Variants in ITPR3 observed in about 807,000 individuals in gnomAD.
ITPR3 encodes the protein inositol 1,4,5-trisphosphate-gated calcium channel ITPR3.
Under a neutral mutation model 293.2 loss-of-function variants are expected in ITPR3, and 173 were observed. The ratio of observed to expected loss-of-function variants is 0.59; its 90% CI spans 0.52 to 0.67. The LOEUF (loss-of-function observed/expected upper bound fraction) is 0.67. ITPR3 is among the 30% of genes least tolerant of loss of function. The pLI is 0.00. For missense variants in ITPR3, 2,796 were observed against 3,592.1 expected (o/e 0.78, Z 5.66); for synonymous variants, 1,295 against 1,444.4 (o/e 0.90, Z 2.35).
rs373737531 is a variant in ITPR3 at position 33,686,055 on chromosome 6, C to G, written c.5670C>G (p.Asn1890Lys). Reference protein sequence around the residue: ...LCENHNRDLQNFLRCQNNKTN... With the variant: ...LCENHNRDLQKFLRCQNNKTN... The stretch of plus-strand genomic sequence containing the variant: ...CCCAACCCTTCTGTGCCCCGCAGAA[C>G]TTCCTGCGCTGTCAGAACAACAAAA... Residue 1890 changes from asparagine (N) to lysine (K), a missense_variant and splice_region_variant, in exon 42 of 58, where the codon AAC (asparagine) becomes AAG (lysine). Asn to Lys is a moderately conservative substitution (Grantham distance 94). Around this residue, in one of 8 missense-constraint regions of ITPR3, gnomAD observed 704 missense variants for 797.5 expected, o/e 0.88. Transcript: ENST00000605930. 7 of 1,613,940 alleles carry G rather than the reference C, an allele frequency of 4.3e-6. No individual in the cohort carries two copies. The highest frequency in any genetic ancestry group is 5.9e-6 in the Non-Finnish European group (7 of 1,180,038).
intron 33 of ITPR3, among the ~76,000 whole-genome samples, chr6:33,680,927 T>C (rs566317870): frequency 6.6e-6 from 1 of 151,506 alleles, no homozygotes; most frequent in African/African-American, 2.4e-5. Context: ...TTCACGCCAT[T>C]CTCCTGCCTC....
At position 33,667,815 on chromosome 6, in the gene ITPR3, G is replaced by C; in HGVS notation, c.1737G>C (p.Gly579=). The C allele has an allele frequency of 6.2e-7, 1 of 1,614,066 alleles. No homozygotes were observed. The highest frequency in any genetic ancestry group is 8.5e-7 in the Non-Finnish European group (1 of 1,179,988). Reference sequence around the variant, plus strand: ...AGGAGCACATTGCCAAGCAGTTTGGGATGATGCAGTCCCAGATTGGCTACG... The same window carrying C: ...AGGAGCACATTGCCAAGCAGTTTGGCATGATGCAGTCCCAGATTGGCTACG... ...KNQEHIAKQF[G]MMQSQIGYDI... Residue 579 remains glycine (G), a synonymous_variant, in exon 16 of 58, where the codon GGG becomes GGC. Transcript: ENST00000605930. This position sits in a 1 kb window ranked among gnomAD's most constrained non-coding sequence, Gnocchi z 4.4.
chr6:33,629,688 C>T (rs1170863146), intron 1 of ITPR3, among the ~76,000 whole-genome samples: 1 of 151,740 alleles, frequency 6.6e-6, no homozygotes, highest in African/African-American at 2.4e-5. Flanking sequence ...CCATGTTGGG[C>T]AGGCTGGTCT....
chr6:33,621,413 C>T lies in ITPR3; in HGVS notation c.-190C>T, dbSNP rs1454709191. On this transcript the variant is annotated 5_prime_UTR_variant, in exon 1 of 58. Coordinates refer to ENST00000605930, the MANE Select transcript of ITPR3 (RefSeq NM_002224.4). The surrounding 1 kb of genome is among the most constrained non-coding windows in gnomAD (Gnocchi z 7.7). ...GCCAAGACGTGGGCACCTCCTCACC[C>T]GGACCCCGGGCCCCGCCGAGCCGCC... The T allele has an allele frequency of 3.1e-5, 13 of 414,886 alleles. No individual in the cohort carries two copies. The highest frequency in any genetic ancestry group is 1.4e-4 in the Admixed American group (3 of 20,954). 25.7% of individuals were successfully genotyped at this position (414,886 alleles called of 1,614,324 possible).
Position 33,679,937 on chromosome 6 carries a change from C to G in ITPR3, c.4028C>G (p.Ala1343Gly). The G allele has an allele frequency of 6.2e-7, 1 of 1,613,838 alleles. No individual in the cohort carries two copies. The highest frequency in any genetic ancestry group is 8.5e-7 in the Non-Finnish European group (1 of 1,180,004). ...TTCTACAATGATAAGGCATCGCTGG[C>G]CCACCTGCTGGACATGATGAAGGCC... ...VVFYNDKASL[A>G]HLLDMMKAAR... The change falls in exon 31 of 58, where the codon GCC (alanine) becomes GGC (glycine). Residue 1343 changes from alanine (A) to glycine (G), a missense_variant. Transcript: ENST00000605930. This position sits in a 1 kb window ranked among gnomAD's most constrained non-coding sequence, Gnocchi z 4.2.
At position 33,685,661 on chromosome 6, in the gene ITPR3, C is replaced by T. The variant is rs752518693; in HGVS notation, c.5501C>T (p.Ser1834Leu). ...CCCACAGGCCGCGTGGCCTCCTTCT[C>T]GATACCTGGCTCCTCATCCCGCTAC... is the stretch of plus-strand genomic sequence containing the variant. ...PTTKGRVASF[S>L]IPGSSSRYSL... The change falls in exon 41 of 58, where the codon TCG becomes TTG. Residue 1834 changes from serine to leucine, a missense_variant. By Grantham distance (145) the Ser-to-Leu change is moderately radical (BLOSUM62 -2). This residue lies in a region of ITPR3 where 704 missense variants were observed against 797.5 expected (regional missense o/e 0.88). Coordinates refer to ENST00000605930, the MANE Select transcript of ITPR3 (RefSeq NM_002224.4). The T allele has an allele frequency of 9.4e-6, 15 of 1,588,316 alleles. No individual in the cohort carries two copies. The highest frequency in any genetic ancestry group is 2.2e-5 in the East Asian group (1 of 44,534).
chr6:33,625,478 C>T (rs975600950), intron 1 of ITPR3, among the ~76,000 whole-genome samples: 1 of 152,164 alleles, frequency 6.6e-6, no homozygotes, highest in East Asian at 1.9e-4. Flanking sequence ...ATCCGCCTGC[C>T]TCGGCCTCCC....
In ITPR3 at chr6:33,662,592, G is replaced by A; in HGVS notation, c.776G>A (p.Gly259Asp). The A allele has an allele frequency of 6.2e-7, 1 of 1,612,176 alleles. No homozygotes were observed. Among genetic ancestry groups the A allele is most frequent in the South Asian group, 1.1e-5 (1 of 90,970 alleles). Reference sequence around the variant, plus strand: ...TTCCTGACGTGTGACGAGTACAAGGGCAAGCTGCAGGTGTTCCTGCGAACT... The same window carrying A: ...TTCCTGACGTGTGACGAGTACAAGGACAAGCTGCAGGTGTTCCTGCGAACT... ...EKFLTCDEYKGKLQVFLRTTL... is the reference protein window; with the variant it reads ...EKFLTCDEYKDKLQVFLRTTL... The change falls in exon 8 of 58, where the codon GGC (glycine) becomes GAC (aspartate). Residue 259 changes from glycine (G) to aspartate (D), a missense_variant. By Grantham distance (94) the Gly-to-Asp change is moderately conservative. This residue lies in a region of ITPR3 where 955 missense variants were observed against 1,180.8 expected (regional missense o/e 0.81). Coordinates refer to ENST00000605930, the MANE Select transcript of ITPR3 (RefSeq NM_002224.4).
Position 33,655,807 on chromosome 6 carries a change from C to A in ITPR3, c.202C>A (p.Gln68Lys), listed in dbSNP as rs746247025. The part of the protein sequence containing the change: ...KVCPMNRYSA[Q>K]KQYWKAKQTK... Reference sequence around the variant, plus strand: ...GTGCCCCATGAACCGCTACTCGGCCCAGAAGCAGTACTGGAAGGCCAAGCA... The same window carrying A: ...GTGCCCCATGAACCGCTACTCGGCCAAGAAGCAGTACTGGAAGGCCAAGCA... The change falls in exon 3 of 58, where the codon CAG becomes AAG. Residue 68 changes from glutamine to lysine, a missense_variant. Transcript: ENST00000605930. The surrounding 1 kb of genome is among the most constrained non-coding windows in gnomAD (Gnocchi z 4.9). 1.2e-6 allele frequency: 2 copies of A among 1,614,136 alleles called. No individual in the cohort carries two copies. The highest frequency in any genetic ancestry group is 1.3e-5 in the African/African-American group (1 of 75,038).
rs778621027 is a variant in ITPR3 at position 33,677,056 on chromosome 6, G to A, written c.3489G>A (p.Glu1163=). The change falls in exon 27 of 58, where the codon GAG becomes GAA. Residue 1163 remains glutamate (E), a synonymous_variant. Coordinates refer to ENST00000605930, the MANE Select transcript of ITPR3 (RefSeq NM_002224.4). ...AGGGCTTTCTGCACCCACCAGGGGA[G>A]AAAAGCAGTGAGAACTACCAGATCG... ...DEEGFLHPPG[E]KSSENYQIVK... The A allele has an allele frequency of 6.2e-7, 1 of 1,614,196 alleles. No homozygotes were observed. Among genetic ancestry groups the A allele is most frequent in the Non-Finnish European group, 8.5e-7 (1 of 1,180,040 alleles).
intron 1 of ITPR3, among the ~76,000 whole-genome samples, chr6:33,634,993 C>G (rs1561850829): frequency 6.6e-6 from 1 of 152,204 alleles, no homozygotes; most frequent in African/African-American, 2.4e-5. Context: ...CCGCCAGCCT[C>G]TCTTCAGCTG....
chr6:33,695,773 G>A lies in ITPR3; in HGVS notation c.8009G>A (p.Ser2670Asn). 6.2e-7 allele frequency: 1 copy of A among 1,614,132 alleles called. No homozygotes were observed. The highest frequency in any genetic ancestry group is 8.5e-7 in the Non-Finnish European group (1 of 1,180,012). The change falls in exon 58 of 58, where the codon AGC becomes AAC. Residue 2670 changes from serine (S) to asparagine (N), a missense_variant. By Grantham distance (46) the Ser-to-Asn change is conservative. Coordinates refer to ENST00000605930, the MANE Select transcript of ITPR3 (RefSeq NM_002224.4). The stretch of plus-strand genomic sequence containing the variant: ...TTTGTGGATGTCCAGAACTGCATTA[G>A]CCGCTGAGGAGAGCCACCGAAGGCC... ...LGFVDVQNCI[S>N]R
rs2296331 is a variant in ITPR3, at chr6:33,682,653, G to C, written c.4597+9G>C. On this transcript the variant is annotated intron_variant, in intron 34 of 57. Transcript: ENST00000605930. The surrounding 1 kb of genome is among the most constrained non-coding windows in gnomAD (Gnocchi z 5.4). ...GACCCTCGCCATGGTGGGTGAGTGT[G>C]CCGGGGCACTGGCCAGCCCCAAACC... The C allele has an allele frequency of 0.22, 344,129 of 1,589,652 alleles. 38,891 individuals are homozygous for C. Among genetic ancestry groups the C allele is most frequent in the African/African-American group, 0.28 (20,712 of 72,996 alleles).
chr6:33,661,172 A>G (rs1242073996), intron 7 of ITPR3, among the ~76,000 whole-genome samples: 1 of 152,218 alleles, frequency 6.6e-6, no homozygotes, highest in Admixed American at 6.5e-5. Context: ...TTATATCGTC[A>G]TTCATTCATG....
intron 1 of ITPR3, among the ~76,000 whole-genome samples, chr6:33,623,824 C>T (rs1361732690): frequency 1.3e-5 from 2 of 152,142 alleles, no homozygotes; most frequent in African/African-American, 2.4e-5. Context: ...CCTTCTACGC[C>T]GGGGTACCCC....
Position 33,621,914 on chromosome 6 carries a change from C to T in ITPR3, c.89+223C>T, listed in dbSNP as rs928072823. ...TGGAGTTGGCAGGAGGAGCCTCCCT[C>T]GGCGGCGCAGCCTCTACCCTCCCGC... On this transcript the variant is annotated intron_variant, in intron 1 of 57. Coordinates refer to ENST00000605930, the MANE Select transcript of ITPR3 (RefSeq NM_002224.4). This position sits in a 1 kb window ranked among gnomAD's most constrained non-coding sequence, Gnocchi z 7.7. 3.3e-5 allele frequency among the ~76,000 whole-genome samples: 5 copies of T among 152,182 alleles called. No individual in the cohort carries two copies. Among genetic ancestry groups the T allele is most frequent in the African/African-American group, 7.2e-5 (3 of 41,448 alleles).
chr6:33,656,994 G>A (rs1171553850), intron 3 of ITPR3, among the ~76,000 whole-genome samples: 1 of 152,228 alleles, frequency 6.6e-6, no homozygotes, highest in Non-Finnish European at 1.5e-5. Flanking sequence ...GCTGCCAGCA[G>A]GTAGAGGCTG....
rs755104731 is a variant in ITPR3, at chr6:33,687,371, C to T, written c.6177+44C>T. 1.5e-5 allele frequency: 22 copies of T among 1,505,534 alleles called. No individual in the cohort carries two copies. The highest frequency in any genetic ancestry group is 3.6e-5 in the Admixed American group (2 of 55,100). The allele number at this position is 1,505,534 out of a possible 1,614,324, so 93.3% of individuals were successfully genotyped here. A position where few individuals can be genotyped will look rare whatever the true frequency, so the allele number is the denominator to read the frequency against. On this transcript the variant is annotated intron_variant, in intron 45 of 57. Transcript: ENST00000605930. The surrounding 1 kb of genome is among the most constrained non-coding windows in gnomAD (Gnocchi z 5.3). ...GCAACGGCCATCACCCCCCTGGCCACCATACCCCGCCCCAGCTGCCATCAT... is the reference window on the plus strand; with the variant it reads ...GCAACGGCCATCACCCCCCTGGCCATCATACCCCGCCCCAGCTGCCATCAT...
At position 33,695,674 on chromosome 6, in the gene ITPR3, C is replaced by T. The variant is rs1324966; in HGVS notation, c.7948-38C>T. 43,436 of 1,597,064 alleles carry T rather than the reference C, an allele frequency of 0.027. 1,090 individuals carry two copies. The highest frequency in any genetic ancestry group is 0.13 in the African/African-American group (9,374 of 74,710). ...GCACCCATGGAGGGAAGGTGCCAGG[C>T]GGCCTGACCAGGCCTGTTGGCATCT... On this transcript the variant is annotated intron_variant, in intron 57 of 57. Transcript: ENST00000605930.
Sources: allele counts gnomAD v4.1 joint callset (sites outside exome capture counted in the v4.1 genomes callset), GRCh38; gene constraint gnomAD v4.1.1; regional missense constraint gnomAD v4.1.1; non-coding constraint Gnocchi (gnomAD v3.1); transcripts MANE v1.5; gene names NCBI Gene and HGNC (gene_info 2026-07-23, HGNC 2026-07-21).